Variants in RETREG1 observed in about 807,000 individuals in gnomAD.
RETREG1 encodes reticulophagy regulator 1, also known as family with sequence similarity 134 member B.
In RETREG1, 44 loss-of-function variants were observed where a neutral mutation model predicts 54.8. The ratio of observed to expected loss-of-function variants is 0.80; its 90% CI spans 0.63 to 1.03. The LOEUF (loss-of-function observed/expected upper bound fraction) is 1.03. RETREG1 is among the 50% of genes least tolerant of loss of function. RETREG1 has a pLI of 0.00. For synonymous variants in RETREG1, 217 were observed against 238.5 expected (o/e 0.91, Z 0.83); for missense variants, 554 against 605.1 (o/e 0.92, Z 0.89).
At chr5:16,512,966 C>G (rs759145275) in intron 3 of RETREG1, among the ~76,000 whole-genome samples, 4 of 151,760 alleles carry the variant, frequency 2.6e-5, no homozygotes, top group Non-Finnish European at 5.9e-5. Flanking sequence ...CCCACTGTGC[C>G]CATTGATCTC....
In RETREG1 at chr5:16,593,412, G is replaced by A. The variant is rs1376768544; in HGVS notation, c.321-21310C>T. 6.6e-6 allele frequency among the ~76,000 whole-genome samples: 1 copy of A among 152,070 alleles called. No individual in the cohort carries two copies. On this transcript the variant is annotated intron_variant, in intron 1 of 8. Transcript: ENST00000306320. The surrounding 1 kb of genome is among the most constrained non-coding windows in gnomAD (Gnocchi z 4.9). ...CTAGGTCTCTGCATGCCAATCACAG[G>A]CACTCAATAAATACTTTTTTGTTTG... is the stretch of plus-strand genomic sequence containing the variant.
At chr5:16,549,292 T>A (rs1308283897) in intron 3 of RETREG1, among the ~76,000 whole-genome samples, 1 of 152,112 alleles carries the variant, frequency 6.6e-6, no homozygotes, top group Non-Finnish European at 1.5e-5. Context: ...ATAAGCAATG[T>A]GTAGCTAACT....
chr5:16,567,585 C>T (rs1386295050), intron 2 of RETREG1, among the ~76,000 whole-genome samples: 1 of 152,210 alleles, frequency 6.6e-6, no homozygotes, highest in Non-Finnish European at 1.5e-5. Context: ...AGATGCTCCA[C>T]AGGTGGCTGG....
chr5:16,586,217 C>T (rs1361999919), intron 1 of RETREG1, among the ~76,000 whole-genome samples: 2 of 152,126 alleles, frequency 1.3e-5, no homozygotes, highest in Admixed American at 1.3e-4. Flanking sequence ...TGGTAATGGG[C>T]AGCTGGGTTT....
rs1400838793 is a variant in RETREG1, at chr5:16,616,922, G to T, written c.50C>A (p.Pro17His). ...CGGCGGCGCCTGCTCCTCGGCGGCA[G>T]GAGCCGGGCATCCCTCCTCGGCGTG... ...PEHAEEGCPA[P>H]AAEEQAPPSP... Residue 17 changes from proline to histidine, a missense_variant, in exon 1 of 9, where the codon CCT (proline) becomes CAT (histidine). Pro to His is a moderately conservative substitution (Grantham distance 77, BLOSUM62 -2). Transcript: ENST00000306320. 6.8e-7 allele frequency: 1 copy of T among 1,477,126 alleles called. No individual in the cohort carries two copies. Among genetic ancestry groups the T allele is most frequent in the Admixed American group, 2.3e-5 (1 of 43,048 alleles). 91.5% of individuals were successfully genotyped at this position (1,477,126 alleles called of 1,614,324 possible).
At chr5:16,614,058 A>G (rs1252704449) in intron 1 of RETREG1, among the ~76,000 whole-genome samples, 1 of 152,264 alleles carries the variant, frequency 6.6e-6, no homozygotes, top group East Asian at 1.9e-4. Flanking sequence ...CAGATGCCAC[A>G]AACAGGAGAT....
intron 1 of RETREG1, chr5:16,615,974 T>C (rs1439225994): frequency 6.6e-6 from 1 of 152,214 alleles, no homozygotes; most frequent in African/African-American, 2.4e-5. Flanking sequence ...TGAAGAGCGC[T>C]TTTTGGAGAG....
chr5:16,592,652 A>C (rs551603586), intron 1 of RETREG1, among the ~76,000 whole-genome samples: 1 of 152,156 alleles, frequency 6.6e-6, no homozygotes, highest in Admixed American at 6.5e-5. Context: ...ATCAACCTAA[A>C]TGCTCATCGA....
rs749712805 is a variant in RETREG1, at chr5:16,572,059, C to T, written c.364G>A (p.Val122Ile). The T allele has an allele frequency of 2.6e-5, 42 of 1,613,754 alleles. No homozygotes were observed. Among genetic ancestry groups the T allele is most frequent in the Middle Eastern group, 1.6e-4 (1 of 6,084 alleles). ...TPWRVYHLIS[V>I]MILGRVIMQI... Reference sequence around the variant, plus strand: ...ATAATAACACGCCCAAGTATCATGACGGAAATCAGGTGATATACTCTCCAT... The same window carrying T: ...ATAATAACACGCCCAAGTATCATGATGGAAATCAGGTGATATACTCTCCAT... Residue 122 changes from valine to isoleucine, a missense_variant, in exon 2 of 9, where the codon GTC (valine) becomes ATC (isoleucine). By Grantham distance (29) the Val-to-Ile change is conservative (BLOSUM62 3). This residue lies in a region of RETREG1 where 347 missense variants were observed against 412.3 expected (regional missense o/e 0.84). Coordinates refer to ENST00000306320, the MANE Select transcript of RETREG1 (RefSeq NM_001034850.3).
chr5:16,491,569 G>C (rs757943597), intron 3 of RETREG1, among the ~76,000 whole-genome samples: 1 of 152,130 alleles, frequency 6.6e-6, no homozygotes, highest in Non-Finnish European at 1.5e-5. Flanking sequence ...TTACGTGTTG[G>C]TAATAATTAG....
chr5:16,515,517 G>T (rs1005824788), intron 3 of RETREG1, among the ~76,000 whole-genome samples: 1 of 152,064 alleles, frequency 6.6e-6, no homozygotes, highest in Non-Finnish European at 1.5e-5. Flanking sequence ...TAACACAACT[G>T]GGGGAGACAA....
At chr5:16,528,635 A>G (rs762550096) in intron 3 of RETREG1, among the ~76,000 whole-genome samples, 7 of 152,178 alleles carry the variant, frequency 4.6e-5, no homozygotes, top group Non-Finnish European at 1.0e-4. Flanking sequence ...AGCAGGTGGG[A>G]TATGTGCAAG....
intron 4 of RETREG1, among the ~76,000 whole-genome samples, chr5:16,481,825 A>C (rs1273661665): frequency 6.6e-6 from 1 of 152,092 alleles, no homozygotes; most frequent in African/African-American, 2.4e-5. Context: ...TTCCCTTTAG[A>C]AACATCAAGG....
At chr5:16,616,470 T>A (rs1317233567) in intron 1 of RETREG1, 182 bp downstream of exon 1, 1 of 1,102,472 alleles carries the variant, frequency 9.1e-7, no homozygotes, top group East Asian at 2.9e-5. Context: ...GGGACGTGCG[T>A]CCGGAGGAAA....
chr5:16,474,703 T>C lies in RETREG1; in HGVS notation c.*38A>G, dbSNP rs777957015. 6.3e-7 allele frequency: 1 copy of C among 1,576,530 alleles called. No individual in the cohort carries two copies. Among genetic ancestry groups the C allele is most frequent in the Non-Finnish European group, 8.5e-7 (1 of 1,170,112 alleles). ...TTTTTTTTCTTGTTTGAAATTTTTTTGGTGTTTTTTGTGCTCTGTTGCAAG... is the reference window on the plus strand; with the variant it reads ...TTTTTTTTCTTGTTTGAAATTTTTTCGGTGTTTTTTGTGCTCTGTTGCAAG... On this transcript the variant is annotated 3_prime_UTR_variant, in exon 9 of 9. Coordinates refer to ENST00000306320, the MANE Select transcript of RETREG1 (RefSeq NM_001034850.3).
intron 3 of RETREG1, among the ~76,000 whole-genome samples, chr5:16,558,569 C>T (rs2126623051): frequency 6.6e-6 from 1 of 152,268 alleles, no homozygotes; most frequent in African/African-American, 2.4e-5. Flanking sequence ...TGTGACTGAA[C>T]AGAAAACTAA....
intron 3 of RETREG1, chr5:16,508,746 T>C: frequency 6.6e-7 from 1 of 1,517,876 alleles, no homozygotes; most frequent in Non-Finnish European, 8.8e-7. Context: ...AGAGACGTTC[T>C]TTCCTTTTTG....
chr5:16,549,173 T>C (rs1376576608), intron 3 of RETREG1, among the ~76,000 whole-genome samples: 1 of 152,232 alleles, frequency 6.6e-6, no homozygotes, highest in Non-Finnish European at 1.5e-5. Flanking sequence ...ACTGATAAAA[T>C]TATCGATCCC....
chr5:16,597,634 C>G lies in RETREG1; in HGVS notation c.320+19018G>C, dbSNP rs1742940458. Among the ~76,000 whole-genome samples the G allele has an allele frequency of 6.6e-6, 1 of 152,122 alleles. No individual in the cohort carries two copies. Among genetic ancestry groups the G allele is most frequent in the South Asian group, 2.1e-4 (1 of 4,824 alleles). ...ACCTGCACTGCCCTTGGTCCTCCCCCACCCACAAGAGTGACCCCACCAGTG... is the reference window on the plus strand; with the variant it reads ...ACCTGCACTGCCCTTGGTCCTCCCCGACCCACAAGAGTGACCCCACCAGTG... On this transcript the variant is annotated intron_variant, in intron 1 of 8. Coordinates refer to ENST00000306320, the MANE Select transcript of RETREG1 (RefSeq NM_001034850.3). This position sits in a 1 kb window ranked among gnomAD's most constrained non-coding sequence, Gnocchi z 4.3.
Sources: gnomAD v4.1 joint callset for allele counts (sites outside exome capture counted in the v4.1 genomes callset) on GRCh38, gnomAD v4.1.1 for gene constraint, gnomAD v4.1.1 regional missense constraint, Gnocchi (gnomAD v3.1) non-coding constraint, MANE v1.5 for transcripts, NCBI Gene and HGNC (gene_info 2026-07-23, HGNC 2026-07-21) for gene names.